Variants in TMEM25 observed in about 807,000 individuals in gnomAD.
The protein encoded by TMEM25 is transmembrane protein 25.
Under a neutral mutation model 37.0 loss-of-function variants are expected in TMEM25, and 36 were observed. That is an observed-to-expected ratio of 0.97 (90% CI 0.75 to 1.28). The LOEUF is 1.28. Among genes scored for constraint, TMEM25 ranks in the 50% most tolerant of loss-of-function variants. The pLI is 0.00. For missense variants in TMEM25, 444 were observed against 477.9 expected (o/e 0.93, Z 0.66); for synonymous variants, 197 against 203.7 (o/e 0.97, Z 0.28).
chr11:118,542,549 A>C (rs1014501310), intron 8 of TMEM25, among the ~76,000 whole-genome samples: 1 of 152,034 alleles, frequency 6.6e-6, no homozygotes, highest in Non-Finnish European at 1.5e-5. Flanking sequence ...CCAGAGGATG[A>C]GTTGAGGCCA....
At chr11:118,539,516 T>G (rs537431111), downstream of TMEM25, among the ~76,000 whole-genome samples, 1 of 152,176 alleles carries the variant, frequency 6.6e-6, no homozygotes, top group Non-Finnish European at 1.5e-5. Context: ...TTTCCCTAGG[T>G]TTTTTTCTAG....
chr11:118,534,727 C>T lies in TMEM25; in HGVS notation c.*147C>T. 6.8e-7 allele frequency: 1 copy of T among 1,461,460 alleles called. No individual in the cohort carries two copies. The highest frequency in any genetic ancestry group is 9.0e-7 in the Non-Finnish European group (1 of 1,106,246). 90.5% of individuals were successfully genotyped at this position (1,461,460 alleles called of 1,614,324 possible). On this transcript the variant is annotated 3_prime_UTR_variant, in exon 9 of 9. Transcript: ENST00000313236. This position sits in a 1 kb window ranked among gnomAD's most constrained non-coding sequence, Gnocchi z 4.6. The stretch of plus-strand genomic sequence containing the variant: ...CTCCTGGCTGGGGTGCCCTCCATGT[C>T]ATGCACGTGATGCATTTCACTGGGC...
chr11:118,543,350 T>C (rs1460807100), intron 8 of TMEM25, among the ~76,000 whole-genome samples: 2 of 152,142 alleles, frequency 1.3e-5, no homozygotes, highest in African/African-American at 4.8e-5. Flanking sequence ...TTTTGTTTTG[T>C]TTTGTTTTTT....
At chr11:118,545,824 GCAAT>G (rs1555066974) in intron 8 of TMEM25, 27 of 1,614,192 alleles carry the variant, frequency 1.7e-5, no homozygotes, top group Non-Finnish European at 2.3e-5. Context: ...CTGCCAGGCT[GCAAT>G]CAATCTCTGC....
chr11:118,545,643 C>T lies in TMEM25; in HGVS notation c.1028-476C>T, dbSNP rs74421384. On this transcript the variant is annotated intron_variant, in intron 8 of 8. Coordinates refer to the TMEM25 transcript ENST00000354284. ...CCAGCAGGTAGTCACATAAGCCAAACACCACCTTTGAGTGCTGCCAAAGAG... is the reference window on the plus strand; with the variant it reads ...CCAGCAGGTAGTCACATAAGCCAAATACCACCTTTGAGTGCTGCCAAAGAG... 1.4e-3 allele frequency: 1,513 copies of T among 1,085,992 alleles called. 2 individuals are homozygous for T. Among genetic ancestry groups the T allele is most frequent in the Middle Eastern group, 2.2e-3 (10 of 4,536 alleles). The allele number at this position is 1,085,992 out of a possible 1,614,324, so 67.3% of individuals were successfully genotyped here. A position where few individuals can be genotyped will look rare whatever the true frequency, so the allele number is the denominator to read the frequency against.
Position 118,544,954 on chromosome 11 carries a change from A to G in TMEM25, c.1028-1165A>G, listed in dbSNP as rs933423899. 5.6e-6 allele frequency: 9 copies of G among 1,613,730 alleles called. No individual in the cohort carries two copies. The South Asian group carries it at 6.6e-5, about 12-fold the overall frequency. On this transcript the variant is annotated intron_variant, in intron 8 of 8. Coordinates refer to the TMEM25 transcript ENST00000354284. Reference sequence around the variant, plus strand: ...AATGTCTCCATGTCTCCAGCTTGGGAGGTGGAATTGGATGAAGGAGTGAAT... The same window carrying G: ...AATGTCTCCATGTCTCCAGCTTGGGGGGTGGAATTGGATGAAGGAGTGAAT...
intron 8 of TMEM25, among the ~76,000 whole-genome samples, chr11:118,541,159 T>C (rs1283468752): frequency 6.6e-6 from 1 of 152,272 alleles, no homozygotes; most frequent in African/African-American, 2.4e-5. Context: ...TACTTTTCAC[T>C]GTTTAGAAAT....
At chr11:118,543,898 A>G (rs552604363) in intron 8 of TMEM25, among the ~76,000 whole-genome samples, 4 of 150,214 alleles carry the variant, frequency 2.7e-5, no homozygotes, top group African/African-American at 9.8e-5. Flanking sequence ...CCTCCACCTC[A>G]CGGATTCAAG....
chr11:118,541,266 T>G (rs1039368983), intron 8 of TMEM25, among the ~76,000 whole-genome samples: 6 of 151,936 alleles, frequency 3.9e-5, no homozygotes, highest in Non-Finnish European at 8.8e-5. Flanking sequence ...ATCGAGACCA[T>G]CCTGGCCAAC....
At chr11:118,544,029 C>G (rs191508920) in intron 8 of TMEM25, among the ~76,000 whole-genome samples, 1 of 151,782 alleles carries the variant, frequency 6.6e-6, no homozygotes, top group Non-Finnish European at 1.5e-5. Flanking sequence ...AGGCTGGTCT[C>G]GAACTCCTGA....
chr11:118,534,302 A>T lies in TMEM25; in HGVS notation c.974A>T (p.Asn325Ile), dbSNP rs1555061844. ...KPADRQMAQN[N>I]SRPELLDPEP... ...GCAGACCGGCAGATGGCTCAGAACAACAGCCGGCCAGAGCTTCTGGACCCG... is the reference window on the plus strand; with the variant it reads ...GCAGACCGGCAGATGGCTCAGAACATCAGCCGGCCAGAGCTTCTGGACCCG... The change falls in exon 8 of 9, where the codon AAC (asparagine) becomes ATC (isoleucine). Residue 325 changes from asparagine to isoleucine, a missense_variant. Asn to Ile is a moderately radical substitution (Grantham distance 149, BLOSUM62 -3). Transcript: ENST00000313236. The surrounding 1 kb of genome is among the most constrained non-coding windows in gnomAD (Gnocchi z 4.6). The T allele has an allele frequency of 6.2e-7, 1 of 1,614,044 alleles. No homozygotes were observed. The highest frequency in any genetic ancestry group is 1.3e-5 in the African/African-American group (1 of 74,916).
Position 118,533,038 on chromosome 11 carries a change from G to A in TMEM25, c.504G>A (p.Gln168=). 6.2e-7 allele frequency: 1 copy of A among 1,614,252 alleles called. No homozygotes were observed. The highest frequency in any genetic ancestry group is 8.5e-7 in the Non-Finnish European group (1 of 1,180,046). The change falls in exon 4 of 9, where the codon CAG becomes CAA. Residue 168 remains glutamine (Q), a synonymous_variant. Coordinates refer to ENST00000313236, the MANE Select transcript of TMEM25 (RefSeq NM_032780.4). ...NPPANVTWID[Q]DGPVTVNTSD... is the part of the protein sequence containing the mutation. ...CGGCCAATGTCACCTGGATCGACCA[G>A]GATGGGCCAGTGACTGTCAACACCT... is the stretch of plus-strand genomic sequence containing the variant.
chr11:118,534,528 T>C lies in TMEM25; in HGVS notation c.1049T>C (p.Leu350Pro), dbSNP rs1951449896. 1 of 1,614,116 alleles carries C rather than the reference T, an allele frequency of 6.2e-7. No individual in the cohort carries two copies. Among genetic ancestry groups the C allele is most frequent in the Non-Finnish European group, 8.5e-7 (1 of 1,180,042 alleles). ...GCAGGTTTCATCCGCCTCCCAGTGC[T>C]GGGCTATATCTATCGAGTGTCCAGC... ...TSQGFIRLPV[L>P]GYIYRVSSVS... is the part of the protein sequence containing the mutation. Residue 350 changes from leucine to proline, a missense_variant, in exon 9 of 9, where the codon CTG becomes CCG. Transcript: ENST00000313236. The surrounding 1 kb of genome is among the most constrained non-coding windows in gnomAD (Gnocchi z 4.6).
At chr11:118,537,938 C>T (rs74404016), downstream of TMEM25, among the ~76,000 whole-genome samples, 24,461 of 151,628 alleles carry the variant, frequency 0.16, 2,434 homozygotes, top group East Asian at 0.49. Context: ...GTAGTGCCAG[C>T]TACTTGGGAG....
intron 8 of TMEM25, chr11:118,545,637 G>T: frequency 9.3e-7 from 1 of 1,072,042 alleles, no homozygotes; most frequent in Non-Finnish European, 1.4e-6. Context: ...AGTCACATAA[G>T]CCAAACACCA....
In TMEM25 at chr11:118,534,968, G is replaced by A; in HGVS notation, c.*388G>A. Reference sequence around the variant, plus strand: ...CACAGCACCTTGTACAGTAGGCATGGGGGCGTGCCTGTGTGGGGGACAGGG... The same window carrying A: ...CACAGCACCTTGTACAGTAGGCATGAGGGCGTGCCTGTGTGGGGGACAGGG... On this transcript the variant is annotated 3_prime_UTR_variant, in exon 9 of 9. Transcript: ENST00000313236. This position sits in a 1 kb window ranked among gnomAD's most constrained non-coding sequence, Gnocchi z 4.6. 1 of 1,065,612 alleles carries A rather than the reference G, an allele frequency of 9.4e-7. No individual in the cohort carries two copies. 66.0% of individuals were successfully genotyped at this position (1,065,612 alleles called of 1,614,324 possible). A position where few individuals can be genotyped will look rare whatever the true frequency, so the allele number is the denominator to read the frequency against.
Position 118,535,650 on chromosome 11 carries a change from A to C in TMEM25, c.*1070A>C. The C allele has an allele frequency of 2.0e-6, 3 of 1,518,682 alleles. No individual in the cohort carries two copies. The South Asian group carries it at 3.6e-5, about 18-fold the overall frequency. 94.1% of individuals were successfully genotyped at this position (1,518,682 alleles called of 1,614,324 possible). A position where few individuals can be genotyped will look rare whatever the true frequency, so the allele number is the denominator to read the frequency against. On this transcript the variant is annotated 3_prime_UTR_variant, in exon 9 of 9. Transcript: ENST00000313236. ...TTTAGGGGAACATGGAGAAAGAAGG[A>C]GACCACATACCCCAAAGTGACCTAA...
At chr11:118,536,943 T>C (rs757673162), downstream of TMEM25, among the ~76,000 whole-genome samples, 94 of 152,190 alleles carry the variant, frequency 6.2e-4, no homozygotes, top group Non-Finnish European at 1.0e-3. Flanking sequence ...GGTGCAATCA[T>C]AGCTCACTGC....
chr11:118,547,028 T>G (rs1174865110), downstream of TMEM25: 1 of 152,240 alleles, frequency 6.6e-6, no homozygotes, highest in Non-Finnish European at 1.5e-5. Flanking sequence ...TTTCTTCATA[T>G]TAGAGCAAAA....
Sources: gnomAD v4.1 joint callset for allele counts (sites outside exome capture counted in the v4.1 genomes callset) on GRCh38, gnomAD v4.1.1 for gene constraint, Gnocchi (gnomAD v3.1) non-coding constraint, MANE v1.5 for transcripts, NCBI Gene and HGNC (gene_info 2026-07-23, HGNC 2026-07-21) for gene names.